Variants in HIVEP3 observed in about 807,000 individuals in gnomAD.
HIVEP3 encodes the protein HIVEP zinc finger 3.
A neutral mutation model predicts 152.8 loss-of-function variants in HIVEP3; 49 were observed. That is an observed-to-expected ratio of 0.32 (90% CI 0.26 to 0.41). HIVEP3 has a LOEUF of 0.41. Among genes scored for constraint, HIVEP3 ranks in the 10% least tolerant of loss-of-function variants. The probability of loss-of-function intolerance (pLI) is 1.00; values close to 1 mark genes in which losing one functional copy is unlikely to be tolerated. For missense variants in HIVEP3, 2,790 were observed against 3,103.3 expected, an observed-to-expected ratio of 0.90 and a Z score of 2.40; for synonymous variants, 1,269 against 1,289.0, an observed-to-expected ratio of 0.98 and a Z score of 0.33.
chr1:41,633,353 T>G (rs6675999), intron 2 of HIVEP3, among the ~76,000 whole-genome samples: 88,962 of 152,000 alleles, frequency 0.59, 27,150 homozygotes, highest in African/African-American at 0.76. Context: ...AGCCGGGCAG[T>G]GAGGGCCCAC....
At chr1:41,961,136 A>G (rs1017820585) in intron 1 of HIVEP3, among the ~76,000 whole-genome samples, 1 of 152,218 alleles carries the variant, frequency 6.6e-6, no homozygotes, top group African/African-American at 2.4e-5. Flanking sequence ...AAGTGGCCTG[A>G]TAGTCCTAAA....
chr1:41,829,229 T>C (rs1642891517), intron 1 of HIVEP3, among the ~76,000 whole-genome samples: 1 of 152,242 alleles, frequency 6.6e-6, no homozygotes, highest in Non-Finnish European at 1.5e-5. Context: ...TCTTTGCTTT[T>C]ATCTAAAGAC....
chr1:41,852,700 C>T (rs557265500), intron 1 of HIVEP3, among the ~76,000 whole-genome samples: 137 of 152,338 alleles, frequency 9.0e-4, no homozygotes, highest in Middle Eastern at 6.8e-3. Context: ...TTCCAGGCAA[C>T]GAGGCTCTTG....
chr1:41,608,756 C>G (rs776225300), intron 3 of HIVEP3, among the ~76,000 whole-genome samples: 1 of 152,104 alleles, frequency 6.6e-6, no homozygotes, highest in Non-Finnish European at 1.5e-5. Context: ...TTTTCTAATG[C>G]TGTTATGATG....
At chr1:41,573,575 T>TC (rs1315931697) in intron 5 of HIVEP3, among the ~76,000 whole-genome samples, 13 of 152,166 alleles carry the variant, frequency 8.5e-5, no homozygotes, top group Non-Finnish European at 1.8e-4. Context: ...GATGGGACTG[T>TC]CCCAGACAGA....
intron 1 of HIVEP3, among the ~76,000 whole-genome samples, chr1:41,910,123 T>C (rs1240538656): frequency 6.6e-6 from 1 of 151,814 alleles, no homozygotes; most frequent in Non-Finnish European, 1.5e-5. Flanking sequence ...AAACAAAAGA[T>C]GGAGAGGATC....
At chr1:41,645,204 C>G (rs907050983) in intron 2 of HIVEP3, among the ~76,000 whole-genome samples, 3 of 152,226 alleles carry the variant, frequency 2.0e-5, no homozygotes, top group African/African-American at 7.2e-5. Context: ...CTGCACAAGA[C>G]AGGGCAATGC....
chr1:41,999,991 A>T (rs1371380801), intron 1 of HIVEP3, among the ~76,000 whole-genome samples: 1 of 152,166 alleles, frequency 6.6e-6, no homozygotes, highest in African/African-American at 2.4e-5. Flanking sequence ...TCTTTTAATC[A>T]CAGTTGACAG....
At chr1:41,917,761 AGTTTGGTTTGG>A (rs1644893270) in intron 1 of HIVEP3, among the ~76,000 whole-genome samples, 2 of 151,668 alleles carry the variant, frequency 1.3e-5, no homozygotes, top group African/African-American at 4.9e-5. Flanking sequence ...ATAGAATAGG[AGTTTGGTTTGG>A]GTTTGGTTGG....
At chr1:41,887,768 C>T (rs1054700079) in intron 1 of HIVEP3, among the ~76,000 whole-genome samples, 4 of 152,176 alleles carry the variant, frequency 2.6e-5, no homozygotes, top group African/African-American at 9.7e-5. Context: ...AGCCCCAAAT[C>T]CCCAAACAAT....
At chr1:41,658,527 CA>C (rs1017576047) in intron 2 of HIVEP3, among the ~76,000 whole-genome samples, 4 of 152,172 alleles carry the variant, frequency 2.6e-5, no homozygotes, top group African/African-American at 9.7e-5. Flanking sequence ...CAGCAGTTAC[CA>C]AGTGCCTGCT....
At chr1:41,616,062 C>A (rs894019457) in intron 3 of HIVEP3, among the ~76,000 whole-genome samples, 3 of 152,008 alleles carry the variant, frequency 2.0e-5, no homozygotes, top group South Asian at 2.1e-4. Context: ...AAGAGACATG[C>A]CCCAGGTGGG....
chr1:41,827,516 G>T (rs915900619), intron 1 of HIVEP3, among the ~76,000 whole-genome samples: 1 of 152,156 alleles, frequency 6.6e-6, no homozygotes, highest in Non-Finnish European at 1.5e-5. Context: ...CTGCTGGGGA[G>T]GGGGTGGGCT....
chr1:41,743,978 TC>T (rs1285703047), intron 1 of HIVEP3, among the ~76,000 whole-genome samples: 1 of 151,982 alleles, frequency 6.6e-6, no homozygotes, highest in African/African-American at 2.4e-5. Context: ...CTTAGGCACC[TC>T]CCCTCCTTGG....
Position 41,875,946 on chromosome 1 carries a change from G to T in HIVEP3, c.-801+42467C>A, listed in dbSNP as rs150685808. Among the ~76,000 whole-genome samples, 211 of 152,192 alleles carry T rather than the reference G, an allele frequency of 1.4e-3. 2 individuals carry two copies. Among genetic ancestry groups the T allele is most frequent in the South Asian group, 4.8e-3 (23 of 4,820 alleles). ...CGGGATGCAAGTTCCACATGGGTACGAACTAGGTCTGTCTTGTTCTCCACC... is the reference window on the plus strand; with the variant it reads ...CGGGATGCAAGTTCCACATGGGTACTAACTAGGTCTGTCTTGTTCTCCACC... On this transcript the variant is annotated intron_variant, in intron 1 of 8. Coordinates refer to ENST00000372583, the MANE Select transcript of HIVEP3 (RefSeq NM_024503.5).
intron 1 of HIVEP3, among the ~76,000 whole-genome samples, chr1:41,782,020 A>T (rs1285078471): frequency 6.6e-6 from 1 of 152,206 alleles, no homozygotes; most frequent in Non-Finnish European, 1.5e-5. Flanking sequence ...AGAGTGTGAC[A>T]CAATAGTCAA....
Position 41,698,752 on chromosome 1 carries a change from AC to A in HIVEP3, c.-721+2163del, listed in dbSNP as rs111511100. Among the ~76,000 whole-genome samples, 979 of 151,868 alleles carry A rather than the reference AC, an allele frequency of 6.4e-3. 16 individuals are homozygous for A. The highest frequency in any genetic ancestry group is 0.023 in the African/African-American group (943 of 41,374). On this transcript the variant is annotated intron_variant, in intron 2 of 8. Coordinates refer to ENST00000372583, the MANE Select transcript of HIVEP3 (RefSeq NM_024503.5). Reference sequence around the variant, plus strand: ...TTCGGGTGCCAGTGCTCCTGGCCCCACCCCCCACAATGCTTCTGCTAGCCAC... The same window carrying A: ...TTCGGGTGCCAGTGCTCCTGGCCCCACCCCCACAATGCTTCTGCTAGCCAC...
chr1:41,842,830 T>C (rs959720900), intron 1 of HIVEP3, among the ~76,000 whole-genome samples: 1 of 152,172 alleles, frequency 6.6e-6, no homozygotes, highest in African/African-American at 2.4e-5. Flanking sequence ...AGAAAGGCAC[T>C]AAGGCCAGCA....
rs1002361603 is a variant in HIVEP3 at position 41,584,450 on chromosome 1, C to A, written c.348G>T (p.Gly116=). 6.2e-7 allele frequency: 1 copy of A among 1,614,114 alleles called. No homozygotes were observed. The highest frequency in any genetic ancestry group is 8.5e-7 in the Non-Finnish European group (1 of 1,180,008). The part of the protein sequence containing the change: ...SPGKPEHLLE[G]STWQLVDPMR... ...TGGGGTCAACCAGTTGCCATGTGGA[C>A]CCCTCCAGGAGATGCTCAGGTTTGC... is the stretch of plus-strand genomic sequence containing the variant. The change falls in exon 4 of 9, where the codon GGG becomes GGT. Residue 116 remains glycine (G), a synonymous_variant. Transcript: ENST00000372583. The surrounding 1 kb of genome is among the most constrained non-coding windows in gnomAD (Gnocchi z 5.2).
Sources: allele counts gnomAD v4.1 joint callset (sites outside exome capture counted in the v4.1 genomes callset), GRCh38; gene constraint gnomAD v4.1.1; non-coding constraint Gnocchi (gnomAD v3.1); transcripts MANE v1.5; gene names NCBI Gene and HGNC (gene_info 2026-07-23, HGNC 2026-07-21).